Variants in PABPC4 observed in about 807,000 individuals in gnomAD.
PABPC4 encodes the protein poly(A) binding protein cytoplasmic 4.
In PABPC4, 15 loss-of-function variants were observed where a neutral mutation model predicts 74.5. That is an observed-to-expected ratio of 0.20 (90% CI 0.13 to 0.31). The LOEUF (loss-of-function observed/expected upper bound fraction) is 0.31, where lower values mean the gene tolerates loss of function less well. Among genes scored for constraint, PABPC4 ranks in the 10% least tolerant of loss-of-function variants. The pLI is 1.00. For synonymous variants in PABPC4, 345 were observed against 303.0 expected, an observed-to-expected ratio of 1.14 and a Z score of -1.44; for missense variants, 610 against 853.5, an observed-to-expected ratio of 0.71 and a Z score of 3.55.
rs201090188 is a variant in PABPC4, at chr1:39,562,375, C to G, written c.1710G>C (p.Leu570=). 6.2e-7 allele frequency: 1 copy of G among 1,613,994 alleles called. No individual in the cohort carries two copies. The highest frequency in any genetic ancestry group is 1.7e-5 in the Admixed American group (1 of 60,024). Residue 570 remains leucine (L), a synonymous_variant, in exon 13 of 16, where the codon CTG becomes CTC. Transcript: ENST00000372858. ...PAVHVQGQEP[L]TASMLAAAPP... is the part of the protein sequence containing the mutation. Reference sequence around the variant, plus strand: ...GTGCTGCAGCCAGCATGGAGGCAGTCAGTGGCTCCTGCCCCTGCACATGGA... The same window carrying G: ...GTGCTGCAGCCAGCATGGAGGCAGTGAGTGGCTCCTGCCCCTGCACATGGA...
At chr1:39,564,169 AT>A in intron 10 of PABPC4, 1 of 617,840 alleles carries the variant, frequency 1.6e-6, no homozygotes, top group South Asian at 2.0e-5. Context: ...CTCTGTGGTC[AT>A]CCAGCTAGCA....
intron 10 of PABPC4, 142 bp downstream of exon 10, chr1:39,564,281 G>A: frequency 1.1e-6 from 1 of 891,752 alleles, no homozygotes; most frequent in South Asian, 1.8e-5. Context: ...TGCTCCTGAA[G>A]TGGCCACCTA....
intron 10 of PABPC4, 145 bp downstream of exon 10, chr1:39,564,278 G>C (rs1376169399): frequency 1.2e-6 from 1 of 868,770 alleles, no homozygotes; most frequent in South Asian, 1.8e-5. Context: ...CTCTGCTCCT[G>C]AAGTGGCCAC....
chr1:39,569,830 G>A, intron 4 of PABPC4, 33 bp downstream of exon 4: 1 of 1,612,002 alleles, frequency 6.2e-7, no homozygotes, highest in Non-Finnish European at 8.5e-7. Context: ...GGGTCTGGTA[G>A]ACTGTGAAAG....
At chr1:39,567,524 AG>A in intron 7 of PABPC4, 1 of 645,290 alleles carries the variant, frequency 1.5e-6, no homozygotes, top group Non-Finnish European at 2.9e-6. Context: ...GTTGGCAAGG[AG>A]GGGCTGGGTC....
At chr1:39,575,145 A>C (rs951823177) in intron 1 of PABPC4, among the ~76,000 whole-genome samples, 4 of 152,200 alleles carry the variant, frequency 2.6e-5, no homozygotes, top group African/African-American at 9.6e-5. Flanking sequence ...AGAGTAAAGC[A>C]CTTCTCCACT....
chr1:39,562,233 A>C, intron 13 of PABPC4, 30 bp from the exon 14 acceptor site: 8 of 1,613,888 alleles, frequency 5.0e-6, no homozygotes, highest in Non-Finnish European at 6.8e-6. Context: ...TAAAAAAACA[A>C]ATCAAATCCC....
intron 7 of PABPC4, among the ~76,000 whole-genome samples, chr1:39,567,222 G>A (rs1645860629): frequency 6.6e-6 from 1 of 152,128 alleles, no homozygotes. Flanking sequence ...TGCTAACTTA[G>A]TTGATATGAT....
At chr1:39,572,669 A>C (rs1645959345) in intron 1 of PABPC4, 83 bp from the exon 2 acceptor site, 1 of 1,050,432 alleles carries the variant, frequency 9.5e-7, no homozygotes, top group Non-Finnish European at 1.4e-6. Context: ...TTACTCCAGG[A>C]CTTTTCAAGG....
chr1:39,569,663 T>C lies in PABPC4; in HGVS notation c.670A>G (p.Arg224Gly). 6.2e-7 allele frequency: 1 copy of C among 1,614,096 alleles called. No homozygotes were observed. The highest frequency in any genetic ancestry group is 8.5e-7 in the Non-Finnish European group (1 of 1,179,930). The change falls in exon 5 of 16, where the codon AGA (arginine) becomes GGA (glycine). Residue 224 changes from arginine to glycine, a missense_variant. By Grantham distance (125) the Arg-to-Gly change is moderately radical. Around this residue, in one of 4 missense-constraint regions of PABPC4, gnomAD observed 304 missense variants for 478.9 expected, o/e 0.63. Coordinates refer to ENST00000372858, the MANE Select transcript of PABPC4 (RefSeq NM_001135653.2). ...FGKTLSVKVM[R>G]DPNGKSKGFG... Reference sequence around the variant, plus strand: ...CCTTTGGATTTCCCATTGGGATCTCTCATCACCTTGACACTTAGGGTCTTA... The same window carrying C: ...CCTTTGGATTTCCCATTGGGATCTCCCATCACCTTGACACTTAGGGTCTTA...
intron 5 of PABPC4, chr1:39,569,348 A>C (rs554223520): frequency 1.8e-6 from 1 of 543,144 alleles, no homozygotes. Context: ...CCTTTGCAGC[A>C]TAACAAACGT....
intron 15 of PABPC4, 156 bp downstream of exon 15, chr1:39,561,529 A>G (rs1045243709): frequency 1.6e-6 from 1 of 617,110 alleles, no homozygotes; most frequent in African/African-American, 1.9e-5. Context: ...TCCTCATGAT[A>G]AGAAGTCACC....
Position 39,564,556 on chromosome 1 carries a change from A to T in PABPC4, c.1334-14T>A. On this transcript the variant is annotated splice_polypyrimidine_tract_variant and intron_variant, in intron 9 of 15. Coordinates refer to ENST00000372858, the MANE Select transcript of PABPC4 (RefSeq NM_001135653.2). ...TTCCTTGGAAGCCTGGTGAAGAGAA[A>T]AATTGCACATCATTGAGAAGTGATG... 2 of 1,613,982 alleles carry T rather than the reference A, an allele frequency of 1.2e-6. No homozygotes were observed. The highest frequency in any genetic ancestry group is 1.7e-6 in the Non-Finnish European group (2 of 1,179,902).
chr1:39,564,179 C>G (rs1645801746), intron 10 of PABPC4: 1 of 622,264 alleles, frequency 1.6e-6, no homozygotes, highest in Non-Finnish European at 2.8e-6. Flanking sequence ...ATCCAGCTAG[C>G]AAACTTCTAC....
At position 39,568,748 on chromosome 1, in the gene PABPC4, C is replaced by T. The variant is rs1263189591; in HGVS notation, c.876+54G>A. The T allele has an allele frequency of 1.9e-6, 3 of 1,558,174 alleles. No individual in the cohort carries two copies. The East Asian group carries it at 6.7e-5, about 35-fold the overall frequency. ...AAAGCCCGCTAAACATAGGGGTGTT[C>T]TGCAAATATTTCACAGCAAATCCCA... On this transcript the variant is annotated intron_variant, in intron 6 of 15. Coordinates refer to ENST00000372858, the MANE Select transcript of PABPC4 (RefSeq NM_001135653.2).
At chr1:39,565,903 A>C (rs1645831519) in intron 7 of PABPC4, among the ~76,000 whole-genome samples, 3 of 152,254 alleles carry the variant, frequency 2.0e-5, no homozygotes, top group African/African-American at 7.2e-5. Context: ...AAAACAAAAC[A>C]AACCTACAAA....
chr1:39,562,068 CT>C lies in PABPC4; in HGVS notation c.1893+4del. The C allele has an allele frequency of 1.9e-6, 3 of 1,612,308 alleles. No homozygotes were observed. Among genetic ancestry groups the C allele is most frequent in the Non-Finnish European group, 2.5e-6 (3 of 1,179,762 alleles). ...TGAAGCTGCAGGGTCTGAGCCCCAG[CT>C]CACCTTGGAGCGGAGAGACTCGGGG... is the stretch of plus-strand genomic sequence containing the variant. On this transcript the variant is annotated splice_donor_region_variant and intron_variant, in intron 14 of 15. Coordinates refer to ENST00000372858, the MANE Select transcript of PABPC4 (RefSeq NM_001135653.2).
Position 39,570,603 on chromosome 1 carries a change from T to C in PABPC4, c.504-601A>G, listed in dbSNP as rs12561826. ...GTAATAGCCAAGACTTATTGTCTCTTCTTCTCCCCATATGGCTTTGGTAAG... is the reference window on the plus strand; with the variant it reads ...GTAATAGCCAAGACTTATTGTCTCTCCTTCTCCCCATATGGCTTTGGTAAG... On this transcript the variant is annotated intron_variant, in intron 3 of 15. Transcript: ENST00000372858. The C allele has an allele frequency of 1.7e-3, 264 of 154,886 alleles. 8 individuals carry two copies. The East Asian group carries it at 0.046, about 27-fold the overall frequency. 9.6% of individuals were successfully genotyped at this position (154,886 alleles called of 1,614,324 possible). A position where few individuals can be genotyped will look rare whatever the true frequency, so the allele number is the denominator to read the frequency against.
chr1:39,570,352 T>C (rs1448600600), intron 3 of PABPC4: 7 of 219,642 alleles, frequency 3.2e-5, no homozygotes, highest in Admixed American at 2.1e-4. Context: ...CTGTTAACAG[T>C]GGTTAATCCT....
Sources: allele counts gnomAD v4.1 joint callset (sites outside exome capture counted in the v4.1 genomes callset), GRCh38; gene constraint gnomAD v4.1.1; regional missense constraint gnomAD v4.1.1; transcripts MANE v1.5; gene names NCBI Gene and HGNC (gene_info 2026-07-23, HGNC 2026-07-21).